The following SYNJ1 variants were observed in gnomAD, a reference collection of about 807,000 sequenced individuals.
SYNJ1 encodes the protein synaptojanin 1, also known as polyphosphatidylinositol phosphatase SYNJ1.
A neutral mutation model predicts 168.2 loss-of-function variants in SYNJ1; 78 were observed. The observed-to-expected ratio is 0.46, with a 90% CI of 0.39 to 0.56. The LOEUF (loss-of-function observed/expected upper bound fraction) is 0.56, where lower values mean the gene tolerates loss of function less well. Ranked by LOEUF, SYNJ1 falls within the 20% of genes least tolerant of loss-of-function variation. The pLI, the probability that SYNJ1 is intolerant of heterozygous loss-of-function variation, is 0.00. For missense variants in SYNJ1, 1,303 were observed against 1,597.6 expected (o/e 0.82, Z 3.14); for synonymous variants, 539 against 548.6 (o/e 0.98, Z 0.24).
At chr21:32,671,626 G>T (rs999921285) in intron 14 of SYNJ1, among the ~76,000 whole-genome samples, 1 of 152,092 alleles carries the variant, frequency 6.6e-6, no homozygotes, top group Non-Finnish European at 1.5e-5. Context: ...CTGTAAAATT[G>T]GAATAATGGT....
intron 6 of SYNJ1, among the ~76,000 whole-genome samples, chr21:32,690,655 C>T (rs2041989033): frequency 6.6e-6 from 1 of 152,114 alleles, no homozygotes; most frequent in Non-Finnish European, 1.5e-5. Flanking sequence ...CTTGGGGAGG[C>T]CGAGGCAGCT....
chr21:32,668,194 T>G (rs1212050668), intron 15 of SYNJ1, among the ~76,000 whole-genome samples: 3 of 152,102 alleles, frequency 2.0e-5, no homozygotes, highest in African/African-American at 7.2e-5. Flanking sequence ...GCCTCCTGAG[T>G]AGCTGGGATT....
chr21:32,650,631 G>T (rs1017632122), intron 22 of SYNJ1, among the ~76,000 whole-genome samples: 7 of 152,212 alleles, frequency 4.6e-5, no homozygotes, highest in African/African-American at 1.7e-4. Context: ...TTCCTGGCCA[G>T]ATGTAAATTC....
chr21:32,684,888 A>G (rs1056913053), intron 9 of SYNJ1, among the ~76,000 whole-genome samples: 1 of 151,298 alleles, frequency 6.6e-6, no homozygotes, highest in Non-Finnish European at 1.5e-5. Context: ...ACATGTTAAG[A>G]CTTAAGTACG....
rs1049773095 is a variant in SYNJ1, at chr21:32,699,890, G to A, written c.427C>T (p.Leu143Phe). 3 of 1,614,016 alleles carry A rather than the reference G, an allele frequency of 1.9e-6. No individual in the cohort carries two copies. Among genetic ancestry groups the A allele is most frequent in the African/African-American group, 2.7e-5 (2 of 74,922 alleles). Reference sequence around the variant, plus strand: ...TCTTGCATGCTACGATGCGCATTAAGACTCAAATCTAAACTGATGCCAGAT... The same window carrying A: ...TCTTGCATGCTACGATGCGCATTAAAACTCAAATCTAAACTGATGCCAGAT... ...SASGISLDLS[L>F]NAHRSMQEQT... is the part of the protein sequence containing the mutation. Residue 143 changes from leucine (L) to phenylalanine (F), a missense_variant, in exon 4 of 33, where the codon CTT (leucine) becomes TTT (phenylalanine). Transcript: ENST00000674351.
intron 2 of SYNJ1, among the ~76,000 whole-genome samples, chr21:32,703,987 C>T (rs942089831): frequency 6.6e-6 from 1 of 152,084 alleles, no homozygotes; most frequent in Non-Finnish European, 1.5e-5. Flanking sequence ...TCTCGAAGTG[C>T]TAGGATTACA....
rs544219567 is a variant in SYNJ1, at chr21:32,700,480, C to T, written c.212-375G>A. On this transcript the variant is annotated intron_variant, in intron 3 of 32. Transcript: ENST00000674351. ...GACCACCCTGACTAACATGGAGAAA[C>T]CCCATCTCTACTAAAAATACAAAAA... Among the ~76,000 whole-genome samples, 3 of 152,080 alleles carry T rather than the reference C, an allele frequency of 2.0e-5. No homozygotes were observed. In the South Asian group the frequency reaches 6.2e-4, roughly 32 times the overall value.
At chr21:32,670,506 G>T in intron 14 of SYNJ1, 134 bp from the exon 15 acceptor site, 1 of 690,964 alleles carries the variant, frequency 1.4e-6, no homozygotes. Flanking sequence ...CATATTAAAG[G>T]CAAACACTCT....
chr21:32,696,554 A>G (rs904019389), intron 4 of SYNJ1, among the ~76,000 whole-genome samples: 2 of 152,222 alleles, frequency 1.3e-5, no homozygotes, highest in Non-Finnish European at 2.9e-5. Flanking sequence ...TTAAGTGGAA[A>G]AACTCTATCA....
In SYNJ1 at chr21:32,676,310, AGATT is replaced by A; in HGVS notation, c.1534+18_1534+21del. 2 of 1,551,200 alleles carry A rather than the reference AGATT, an allele frequency of 1.3e-6. No homozygotes were observed. The highest frequency in any genetic ancestry group is 1.4e-5 in the African/African-American group (1 of 72,132). ...ATAAGAAAAAATTGCTTTTATTTAT[AGATT>A]GATTTTCTATACTGTACCTGACTGT... On this transcript the variant is annotated intron_variant, in intron 13 of 32. Coordinates refer to ENST00000674351, the MANE Select transcript of SYNJ1 (RefSeq NM_203446.3).
In SYNJ1 at chr21:32,684,024, A is replaced by G. The variant is rs1224636995; in HGVS notation, c.1200+14T>C. On this transcript the variant is annotated intron_variant, in intron 10 of 32. Coordinates refer to ENST00000674351, the MANE Select transcript of SYNJ1 (RefSeq NM_203446.3). ...GATGATACAAGGCACATACATTTTA[A>G]TTTATTCTTTTACCTCTAAGCCAAG... The G allele has an allele frequency of 1.2e-6, 2 of 1,611,778 alleles. No homozygotes were observed. Among genetic ancestry groups the G allele is most frequent in the Non-Finnish European group, 1.7e-6 (2 of 1,178,176 alleles).
At chr21:32,669,968 CA>C (rs888575707) in intron 15 of SYNJ1, among the ~76,000 whole-genome samples, 4 of 151,932 alleles carry the variant, frequency 2.6e-5, no homozygotes, top group African/African-American at 9.7e-5. Flanking sequence ...AGTTATTTTT[CA>C]AAAAATTTAT....
intron 8 of SYNJ1, 91 bp downstream of exon 8, chr21:32,686,887 C>T: frequency 1.1e-6 from 1 of 889,478 alleles, no homozygotes. Flanking sequence ...AATTTACTTC[C>T]TGGAAGAATC....
chr21:32,634,730 G>C, intron 32 of SYNJ1, 131 bp downstream of exon 32: 2 of 898,696 alleles, frequency 2.2e-6, no homozygotes, highest in East Asian at 2.8e-5. Flanking sequence ...TTTATGGTAT[G>C]ATAGAATTTA....
At chr21:32,706,708 C>T (rs932790107) in intron 2 of SYNJ1, among the ~76,000 whole-genome samples, 12 of 151,978 alleles carry the variant, frequency 7.9e-5, no homozygotes, top group African/African-American at 2.9e-4. Flanking sequence ...TTATTCCCTC[C>T]CTGTACATTT....
intron 7 of SYNJ1, 137 bp downstream of exon 7, chr21:32,688,169 T>C (rs780318554): frequency 1.2e-4 from 89 of 748,840 alleles, no homozygotes; most frequent in Non-Finnish European, 7.0e-5. Context: ...ACACTAGGTG[T>C]CACTGTCTTT....
In SYNJ1 at chr21:32,665,929, C is replaced by T. The variant is rs372763470; in HGVS notation, c.2145+14G>A. On this transcript the variant is annotated intron_variant, in intron 17 of 32. Coordinates refer to ENST00000674351, the MANE Select transcript of SYNJ1 (RefSeq NM_203446.3). ...TCAAAGCTTTATCTTCAAGAACAAG[C>T]AGCAAGAGCTTACCATAGGAAAACT... 6.3e-6 allele frequency: 10 copies of T among 1,575,336 alleles called. No homozygotes were observed. Among genetic ancestry groups the T allele is most frequent in the East Asian group, 2.3e-5 (1 of 44,146 alleles).
chr21:32,672,059 CAAAAAAAAAAAAAAAAA>C (rs1160074724), intron 14 of SYNJ1, among the ~76,000 whole-genome samples: 6 of 24,664 alleles, frequency 2.4e-4, no homozygotes, highest in South Asian at 2.1e-3. Context: ...AACTCAATCT[CAAAAAAAAAAAAAAAAA>C]AAAAAAAAGA....
At chr21:32,645,224 T>A (rs1206718711) in intron 25 of SYNJ1, among the ~76,000 whole-genome samples, 3 of 152,226 alleles carry the variant, frequency 2.0e-5, no homozygotes, top group Admixed American at 2.0e-4. Flanking sequence ...CATACAATTG[T>A]ACATTAATAC....
Sources: gnomAD v4.1 joint callset for allele counts (sites outside exome capture counted in the v4.1 genomes callset) on GRCh38, gnomAD v4.1.1 for gene constraint, MANE v1.5 for transcripts, NCBI Gene and HGNC (gene_info 2026-07-23, HGNC 2026-07-21) for gene names.